PLXDC1: variants seen among roughly 807,000 people sequenced by gnomAD.
The protein encoded by PLXDC1 is plexin domain-containing protein 1.
A neutral mutation model predicts 61.3 loss-of-function variants in PLXDC1; 39 were observed. The ratio of observed to expected loss-of-function variants is 0.64; its 90% CI spans 0.49 to 0.83. PLXDC1 has a LOEUF of 0.83. PLXDC1 is among the 40% of genes least tolerant of loss of function. The pLI, the probability that PLXDC1 is intolerant of heterozygous loss-of-function variation, is 0.00. For missense variants in PLXDC1, 596 were observed against 666.5 expected (o/e 0.89, Z 1.17); for synonymous variants, 212 against 254.5 (o/e 0.83, Z 1.59).
At chr17:39,102,602 C>T (rs1345010731) in intron 7 of PLXDC1, among the ~76,000 whole-genome samples, 1 of 152,064 alleles carries the variant, frequency 6.6e-6, no homozygotes, top group Non-Finnish European at 1.5e-5. Flanking sequence ...ATCAGGCAGC[C>T]ATTAAAGAGA....
chr17:39,109,543 T>C (rs942047740), intron 2 of PLXDC1, 152 bp from the exon 3 acceptor site: 2 of 915,928 alleles, frequency 2.2e-6, no homozygotes, highest in East Asian at 2.7e-5. Flanking sequence ...GATTTAGGCC[T>C]AGGACCCCCT....
intron 2 of PLXDC1, among the ~76,000 whole-genome samples, chr17:39,130,274 G>T (rs902650307): frequency 6.6e-6 from 1 of 152,092 alleles, no homozygotes; most frequent in African/African-American, 2.4e-5. Context: ...GCAACTTAGT[G>T]AGATCTTGTC....
chr17:39,108,707 T>C (rs532462937), intron 4 of PLXDC1, 197 bp downstream of exon 4: 1 of 600,988 alleles, frequency 1.7e-6, no homozygotes, highest in Non-Finnish European at 3.0e-6. Context: ...TGCAGGCACA[T>C]GAGCAGGTCA....
At chr17:39,121,151 C>A (rs1365024884) in intron 2 of PLXDC1, among the ~76,000 whole-genome samples, 3 of 152,178 alleles carry the variant, frequency 2.0e-5, no homozygotes, top group Admixed American at 2.0e-4. Context: ...TCTACTGACT[C>A]CAGGTTTTTG....
chr17:39,089,972 T>C (rs902401975), intron 7 of PLXDC1, among the ~76,000 whole-genome samples: 1 of 152,076 alleles, frequency 6.6e-6, no homozygotes, highest in Non-Finnish European at 1.5e-5. Flanking sequence ...TAATATTTTG[T>C]ATTTTTGGTA....
chr17:39,127,740 G>A (rs1911352745), intron 2 of PLXDC1, among the ~76,000 whole-genome samples: 1 of 151,670 alleles, frequency 6.6e-6, no homozygotes. Flanking sequence ...CGGATCACGA[G>A]GTCAAGAGAT....
At chr17:39,129,351 G>A (rs1039699642) in intron 2 of PLXDC1, among the ~76,000 whole-genome samples, 7 of 145,944 alleles carry the variant, frequency 4.8e-5, no homozygotes, top group Admixed American at 2.1e-4. Context: ...GGGCACAGTG[G>A]CTCAAACCTG....
At chr17:39,118,954 A>G (rs142235245) in intron 2 of PLXDC1, among the ~76,000 whole-genome samples, 121 of 152,362 alleles carry the variant, frequency 7.9e-4, no homozygotes, top group Non-Finnish European at 1.3e-3. Flanking sequence ...AACCGAAACC[A>G]TCCTGAGCTG....
chr17:39,123,710 C>T (rs761657581), intron 2 of PLXDC1, among the ~76,000 whole-genome samples: 7 of 152,274 alleles, frequency 4.6e-5, no homozygotes, highest in South Asian at 4.1e-4. Context: ...GTATTTCTTC[C>T]GCCTCAATTA....
intron 2 of PLXDC1, among the ~76,000 whole-genome samples, chr17:39,120,217 C>T (rs36124872): frequency 0.2 from 29,658 of 152,070 alleles, 2,984 homozygotes; most frequent in Middle Eastern, 0.32. Context: ...AATGGCACCA[C>T]CTCGGCTCAC....
At position 39,151,266 on chromosome 17, in the gene PLXDC1, G is replaced by T. The variant is rs71383370; in HGVS notation, c.76+96C>A. ...TCCTGCGGACAATGCCCCCCTCGCG[G>T]ACATCGCCAGGCCGTCCACACCTGC... On this transcript the variant is annotated intron_variant, in intron 1 of 13. Transcript: ENST00000315392. This position sits in a 1 kb window ranked among gnomAD's most constrained non-coding sequence, Gnocchi z 5.2. The T allele has an allele frequency of 0.038, 35,998 of 947,808 alleles. 805 individuals carry two copies. Among genetic ancestry groups the T allele is most frequent in the Non-Finnish European group, 0.043 (31,120 of 726,118 alleles). The allele number at this position is 947,808 out of a possible 1,614,324, so 58.7% of individuals were successfully genotyped here.
chr17:39,137,857 G>A (rs1035975224), intron 2 of PLXDC1, among the ~76,000 whole-genome samples: 2 of 151,922 alleles, frequency 1.3e-5, no homozygotes, highest in South Asian at 2.1e-4. Context: ...GTGGCTGGGC[G>A]GGATTGGAGT....
intron 2 of PLXDC1, among the ~76,000 whole-genome samples, chr17:39,131,042 G>A (rs752155682): frequency 3.9e-5 from 6 of 152,172 alleles, no homozygotes; most frequent in Non-Finnish European, 7.4e-5. Context: ...GACCCGAAGC[G>A]GAGGGGAGAC....
At chr17:39,125,795 ACT>A (rs1178216097) in intron 2 of PLXDC1, among the ~76,000 whole-genome samples, 2 of 151,928 alleles carry the variant, frequency 1.3e-5, no homozygotes, top group Non-Finnish European at 2.9e-5. Context: ...TCAGGAGAAA[ACT>A]CACAATTTTC....
At chr17:39,147,283 GTTTC>G (rs1307375948) in intron 1 of PLXDC1, among the ~76,000 whole-genome samples, 1 of 152,178 alleles carries the variant, frequency 6.6e-6, no homozygotes, top group African/African-American at 2.4e-5. Context: ...TGAGAATGCA[GTTTC>G]TTTATTTCTT....
intron 7 of PLXDC1, among the ~76,000 whole-genome samples, chr17:39,094,862 C>A (rs915371104): frequency 4.6e-5 from 7 of 152,170 alleles, no homozygotes; most frequent in Non-Finnish European, 1.0e-4. Flanking sequence ...CATGCCGCCT[C>A]CTAAGCTAGA....
In PLXDC1 at chr17:39,065,310, C is replaced by T. The variant is rs1418552044; in HGVS notation, c.*2530G>A. On this transcript the variant is annotated 3_prime_UTR_variant, in exon 14 of 14. Transcript: ENST00000315392. ...TTAAGCCAAAACACTTGGACAAAGT[C>T]TCCCAAAAAAATAGAACCAAGCATC... The T allele has an allele frequency of 1.3e-5, 2 of 151,774 alleles. No individual in the cohort carries two copies. The highest frequency in any genetic ancestry group is 1.3e-4 in the Admixed American group (2 of 15,244). 9.4% of individuals were successfully genotyped at this position (151,774 alleles called of 1,614,324 possible). A position where few individuals can be genotyped will look rare whatever the true frequency, so the allele number is the denominator to read the frequency against.
intron 13 of PLXDC1, 72 bp downstream of exon 13, chr17:39,069,784 C>A: frequency 8.5e-7 from 1 of 1,171,642 alleles, no homozygotes. Context: ...AGGGGAGAGG[C>A]AGGGACCGAA....
chr17:39,082,122 T>C (rs1909585097), intron 9 of PLXDC1, among the ~76,000 whole-genome samples: 1 of 152,170 alleles, frequency 6.6e-6, no homozygotes. Flanking sequence ...CCCCATCCCC[T>C]CTGGGCCCAG....
Sources: allele counts gnomAD v4.1 joint callset (sites outside exome capture counted in the v4.1 genomes callset), GRCh38; gene constraint gnomAD v4.1.1; non-coding constraint Gnocchi (gnomAD v3.1); transcripts MANE v1.5; gene names NCBI Gene and HGNC (gene_info 2026-07-23, HGNC 2026-07-21).